Variants in POU6F2 observed in about 807,000 individuals in gnomAD.
The protein encoded by POU6F2 is POU domain, class 6, transcription factor 2.
In POU6F2, 31 loss-of-function variants were observed where a neutral mutation model predicts 71.3. The observed-to-expected ratio is 0.43, with a 90% confidence interval of 0.33 to 0.59. The LOEUF (loss-of-function observed/expected upper bound fraction) is 0.59. POU6F2 is among the 20% of genes least tolerant of loss of function. POU6F2 has a pLI of 0.04. For missense variants in POU6F2, 783 were observed against 856.8 expected (o/e 0.91, Z 1.07); for synonymous variants, 347 against 355.7 (o/e 0.98, Z 0.27).
At chr7:39,430,145 G>T (rs1788066780) in intron 6 of POU6F2, among the ~76,000 whole-genome samples, 1 of 152,226 alleles carries the variant, frequency 6.6e-6, no homozygotes, top group Non-Finnish European at 1.5e-5. Flanking sequence ...CAATGAATGG[G>T]AGCCAATTGA....
rs1335021320 is a variant in POU6F2 at position 39,340,061 on chromosome 7, C to G, written c.972+46C>G. 1.3e-5 allele frequency: 20 copies of G among 1,546,616 alleles called. 1 individual carries two copies. The highest frequency in any genetic ancestry group is 1.1e-4 in the East Asian group (5 of 43,926). On this transcript the variant is annotated intron_variant, in intron 5 of 9. Coordinates refer to ENST00000518318, the MANE Select transcript of POU6F2 (RefSeq NM_001370959.1). ...GTCTGCCCCTAGGAGCACCAAGGAC[C>G]TTTCCATGGGGTGGTGCCATCCCCA...
At chr7:39,264,196 G>A (rs1784199050) in intron 4 of POU6F2, among the ~76,000 whole-genome samples, 1 of 152,174 alleles carries the variant, frequency 6.6e-6, no homozygotes, top group South Asian at 2.1e-4. Context: ...ACCCACCTCA[G>A]CTGTGGGAGC....
chr7:39,278,841 C>A (rs1364729046), intron 4 of POU6F2, among the ~76,000 whole-genome samples: 8 of 152,174 alleles, frequency 5.3e-5, no homozygotes, highest in African/African-American at 1.4e-4. Context: ...TGCATATTGC[C>A]GTTCTTAGCC....
intron 1 of POU6F2, among the ~76,000 whole-genome samples, chr7:39,028,148 C>T (rs1277783534): frequency 6.6e-6 from 1 of 151,806 alleles, no homozygotes; most frequent in Admixed American, 6.6e-5. Flanking sequence ...CTGTGAAAAG[C>T]CTGTTCATGT....
At chr7:39,163,916 G>T (rs1793053691) in intron 2 of POU6F2, among the ~76,000 whole-genome samples, 1 of 152,160 alleles carries the variant, frequency 6.6e-6, no homozygotes. Context: ...CCAGGTGCAG[G>T]TTACCAGAGG....
chr7:39,015,838 A>ATATTATATATAGATATATAT (rs1789493178), intron 1 of POU6F2, among the ~76,000 whole-genome samples: 2 of 36,320 alleles, frequency 5.5e-5, no homozygotes, highest in East Asian at 6.1e-4. Context: ...TAGATATATA[A>ATATTATATATAGATATATAT]TATATTATAT....
chr7:39,107,346 C>G (rs1217631895), intron 2 of POU6F2, among the ~76,000 whole-genome samples: 1 of 152,114 alleles, frequency 6.6e-6, no homozygotes, highest in Non-Finnish European at 1.5e-5. Flanking sequence ...TGCCCACCTT[C>G]TTATTGTTTC....
chr7:39,142,034 C>T (rs751604488), intron 2 of POU6F2, among the ~76,000 whole-genome samples: 5 of 151,896 alleles, frequency 3.3e-5, no homozygotes, highest in African/African-American at 4.8e-5. Flanking sequence ...TTGCAGTGAG[C>T]GGAGATCGTG....
intron 5 of POU6F2, among the ~76,000 whole-genome samples, chr7:39,342,362 G>C (rs899813792): frequency 2.6e-5 from 4 of 152,172 alleles, no homozygotes; most frequent in African/African-American, 9.6e-5. Flanking sequence ...TGTTTAAAAG[G>C]AATTGCAAAG....
intron 1 of POU6F2, among the ~76,000 whole-genome samples, chr7:39,028,523 A>G (rs1398098171): frequency 6.6e-6 from 1 of 151,976 alleles, no homozygotes; most frequent in Non-Finnish European, 1.5e-5. Context: ...ATCTAGTTGA[A>G]ATTTTGTTTT....
chr7:39,064,949 A>G (rs115107810), intron 1 of POU6F2, among the ~76,000 whole-genome samples: 159 of 152,052 alleles, frequency 1.0e-3, no homozygotes, highest in Middle Eastern at 0.01. Flanking sequence ...AGTCAATGCG[A>G]AGTTGATTAA....
chr7:39,134,178 A>AT (rs768842116), intron 2 of POU6F2, among the ~76,000 whole-genome samples: 1 of 152,076 alleles, frequency 6.6e-6, no homozygotes, highest in African/African-American at 2.4e-5. Flanking sequence ...GCCCAGCCAG[A>AT]TTTTTTCTGA....
At chr7:39,091,680 T>G (rs1023710633) in intron 2 of POU6F2, among the ~76,000 whole-genome samples, 1 of 152,134 alleles carries the variant, frequency 6.6e-6, no homozygotes, top group East Asian at 1.9e-4. Flanking sequence ...TAAATAGAGG[T>G]GCATTCCAGA....
intron 5 of POU6F2, among the ~76,000 whole-genome samples, chr7:39,369,643 C>G (rs1235495314): frequency 6.6e-6 from 1 of 152,104 alleles, no homozygotes; most frequent in Non-Finnish European, 1.5e-5. Flanking sequence ...GGATTACAAG[C>G]ATGAGCCACC....
chr7:39,267,216 G>A (rs1406825940), intron 4 of POU6F2, among the ~76,000 whole-genome samples: 2 of 152,142 alleles, frequency 1.3e-5, no homozygotes, highest in Non-Finnish European at 2.9e-5. Context: ...GAATAGGAAA[G>A]AGAACACACA....
chr7:38,979,171 A>C (rs1242749270), intron 1 of POU6F2, among the ~76,000 whole-genome samples: 3 of 149,470 alleles, frequency 2.0e-5, no homozygotes, highest in African/African-American at 7.4e-5. Flanking sequence ...CATAAACCAG[A>C]CTATGGTCAC....
At chr7:39,164,046 T>C (rs1031906467) in intron 2 of POU6F2, among the ~76,000 whole-genome samples, 1 of 152,142 alleles carries the variant, frequency 6.6e-6, no homozygotes, top group Non-Finnish European at 1.5e-5. Context: ...CCATAGTTAA[T>C]AATGATGCAT....
chr7:39,433,622 C>T (rs1160468880), intron 7 of POU6F2, among the ~76,000 whole-genome samples: 1 of 152,158 alleles, frequency 6.6e-6, no homozygotes, highest in Non-Finnish European at 1.5e-5. Context: ...ACCAAGAACA[C>T]TCATGCCTTA....
chr7:39,413,327 C>A (rs1787594833), intron 6 of POU6F2, among the ~76,000 whole-genome samples: 1 of 152,018 alleles, frequency 6.6e-6, no homozygotes, highest in Admixed American at 6.6e-5. Flanking sequence ...CCAAAATATT[C>A]ATTGAAGAAG....
Sources: gnomAD v4.1 joint callset for allele counts (sites outside exome capture counted in the v4.1 genomes callset) on GRCh38, gnomAD v4.1.1 for gene constraint, MANE v1.5 for transcripts, NCBI Gene and HGNC (gene_info 2026-07-23, HGNC 2026-07-21) for gene names.